FBXL13: variants seen among roughly 807,000 people sequenced by gnomAD.
The protein encoded by FBXL13 is F-box and leucine rich repeat protein 13.
FBXL13 carries 67 observed loss-of-function variants against 83.6 expected under a neutral mutation model. That is an observed-to-expected ratio of 0.80 (90% CI 0.66 to 0.98). FBXL13 has a LOEUF of 0.98. Ranked by LOEUF, FBXL13 falls within the 50% of genes least tolerant of loss-of-function variation. FBXL13 has a pLI of 0.00. For synonymous variants in FBXL13, 272 were observed against 299.5 expected (o/e 0.91, Z 0.95); for missense variants, 822 against 866.5 (o/e 0.95, Z 0.64).
Position 103,063,692 on chromosome 7 carries a change from A to G in FBXL13, c.-104-7945T>C, listed in dbSNP as rs577981703. Among the ~76,000 whole-genome samples the G allele has an allele frequency of 1.2e-3, 186 of 149,902 alleles. 1 individual carries two copies. Among genetic ancestry groups the G allele is most frequent in the African/African-American group, 4.4e-3 (180 of 41,114 alleles). On this transcript the variant is annotated intron_variant, in intron 1 of 19. Coordinates refer to ENST00000313221, the Ensembl canonical transcript of FBXL13. ...CAGTCACCCAGTTAACAATTGGTGA[A>G]GCCTAGAATCAAACTTAGGCTTTTT...
In FBXL13 at chr7:102,887,156, C is replaced by T. The variant is rs957098643; in HGVS notation, c.1009-2844G>A. Among the ~76,000 whole-genome samples, 5 of 152,110 alleles carry T rather than the reference C, an allele frequency of 3.3e-5. No individual in the cohort carries two copies. The East Asian group carries it at 9.6e-4, about 29-fold the overall frequency. On this transcript the variant is annotated intron_variant, in intron 11 of 19. Coordinates refer to ENST00000313221, the Ensembl canonical transcript of FBXL13. Reference sequence around the variant, plus strand: ...TGAAGAAAAAGTTAATTATATAAGGCCTTGCTATACAAAATGTGGTCCATA... The same window carrying T: ...TGAAGAAAAAGTTAATTATATAAGGTCTTGCTATACAAAATGTGGTCCATA...
exon 4 of FBXL13, chr7:103,028,649 T>C (rs766269586): frequency 1.9e-6 from 3 of 1,600,364 alleles, no homozygotes; most frequent in Non-Finnish European, 2.6e-6. Context: ...AGTGATGAAA[T>C]ACAGATTTTT....
intron 17 of FBXL13, among the ~76,000 whole-genome samples, chr7:102,844,979 T>C (rs1252267259): frequency 6.6e-6 from 1 of 152,076 alleles, no homozygotes; most frequent in Non-Finnish European, 1.5e-5. Flanking sequence ...GGTGTAGAGG[T>C]CCTGAGTGCA....
chr7:103,061,869 C>T (rs1412425610), intron 1 of FBXL13, among the ~76,000 whole-genome samples: 4 of 143,058 alleles, frequency 2.8e-5, no homozygotes, highest in Non-Finnish European at 4.5e-5. Context: ...ATTCAGGAGG[C>T]GGAGCTTGCA....
At chr7:103,001,490 T>C (rs1184895999) in intron 6 of FBXL13, among the ~76,000 whole-genome samples, 2 of 152,210 alleles carry the variant, frequency 1.3e-5, no homozygotes, top group Non-Finnish European at 2.9e-5. Context: ...AGACGACTGG[T>C]AAAGTATTGT....
At chr7:102,849,735 A>G (rs536691176) in intron 17 of FBXL13, among the ~76,000 whole-genome samples, 52 of 152,298 alleles carry the variant, frequency 3.4e-4, no homozygotes, top group Non-Finnish European at 6.5e-4. Context: ...ATTGGGCTGG[A>G]GGAGGCAAGG....
chr7:102,881,212 G>A (rs1016491130), intron 14 of FBXL13, among the ~76,000 whole-genome samples: 6 of 152,042 alleles, frequency 3.9e-5, no homozygotes, highest in South Asian at 2.1e-4. Context: ...TTGGGAGGCC[G>A]AGGCAGGTGG....
At chr7:103,044,192 A>G (rs1284374837) in intron 2 of FBXL13, among the ~76,000 whole-genome samples, 1 of 152,340 alleles carries the variant, frequency 6.6e-6, no homozygotes, top group East Asian at 1.9e-4. Flanking sequence ...AGAACCTGGG[A>G]CATTTTACAA....
chr7:103,057,982 T>A (rs1797497831), intron 1 of FBXL13, among the ~76,000 whole-genome samples: 1 of 152,134 alleles, frequency 6.6e-6, no homozygotes. Context: ...AATAATTCCA[T>A]CACTTGAGTT....
At chr7:102,998,400 A>AT (rs908914463) in intron 6 of FBXL13, among the ~76,000 whole-genome samples, 4 of 151,832 alleles carry the variant, frequency 2.6e-5, no homozygotes, top group African/African-American at 9.7e-5. Context: ...CTATCTTTCC[A>AT]TTTTTTGTGT....
At chr7:102,896,842 T>C (rs1268025478) in intron 11 of FBXL13, among the ~76,000 whole-genome samples, 1 of 152,212 alleles carries the variant, frequency 6.6e-6, no homozygotes, top group Non-Finnish European at 1.5e-5. Flanking sequence ...TCTGAGGTAC[T>C]ATTGGGTGTT....
At chr7:102,932,245 T>G (rs576185650) in intron 8 of FBXL13, among the ~76,000 whole-genome samples, 1 of 152,350 alleles carries the variant, frequency 6.6e-6, no homozygotes, top group Middle Eastern at 3.4e-3. Context: ...ACCAACCTGG[T>G]TTTTTGTGCC....
intron 6 of FBXL13, among the ~76,000 whole-genome samples, chr7:102,998,405 T>C (rs901094338): frequency 2.0e-5 from 3 of 152,360 alleles, no homozygotes; most frequent in East Asian, 3.9e-4. Flanking sequence ...TTTCCATTTT[T>C]TGTGTGTTCT....
At chr7:102,998,483 T>C (rs1790042793) in intron 6 of FBXL13, among the ~76,000 whole-genome samples, 1 of 152,184 alleles carries the variant, frequency 6.6e-6, no homozygotes, top group Non-Finnish European at 1.5e-5. Flanking sequence ...GTTAAATTTA[T>C]TCCTAGATAT....
At chr7:102,907,586 T>C (rs1400344499) in intron 11 of FBXL13, among the ~76,000 whole-genome samples, 1 of 151,972 alleles carries the variant, frequency 6.6e-6, no homozygotes, top group Non-Finnish European at 1.5e-5. Flanking sequence ...TTTTCTGTCC[T>C]TGCGATAGTT....
At chr7:102,925,215 GA>G (rs1426882756) in intron 10 of FBXL13, among the ~76,000 whole-genome samples, 1 of 152,038 alleles carries the variant, frequency 6.6e-6, no homozygotes, top group Admixed American at 6.5e-5. Flanking sequence ...GCAACATGGT[GA>G]AACCCCATCT....
At chr7:103,024,343 A>G (rs1793599774) in intron 6 of FBXL13, among the ~76,000 whole-genome samples, 1 of 151,914 alleles carries the variant, frequency 6.6e-6, no homozygotes, top group South Asian at 2.1e-4. Flanking sequence ...CCTGGCCAAT[A>G]TGGTGAAACC....
intron 2 of FBXL13, among the ~76,000 whole-genome samples, chr7:103,038,291 G>C (rs576507413): frequency 4.6e-5 from 7 of 152,116 alleles, no homozygotes; most frequent in African/African-American, 1.4e-4. Context: ...AGCTCACAGT[G>C]TAAACAAAGA....
chr7:102,835,061 G>A (rs1801634799), intron 17 of FBXL13, among the ~76,000 whole-genome samples: 2 of 152,122 alleles, frequency 1.3e-5, no homozygotes, highest in Admixed American at 1.3e-4. Context: ...CAAATGTATT[G>A]TACTTTGAGA....
Sources: gnomAD v4.1 joint callset for allele counts (sites outside exome capture counted in the v4.1 genomes callset) on GRCh38, gnomAD v4.1.1 for gene constraint, MANE v1.5 for transcripts, NCBI Gene and HGNC (gene_info 2026-07-23, HGNC 2026-07-21) for gene names.